SNTG2: variants seen among roughly 807,000 people sequenced by gnomAD.
SNTG2 encodes syntrophin gamma 2.
A neutral mutation model predicts 70.9 loss-of-function variants in SNTG2; 74 were observed. The observed-to-expected ratio is 1.04, with a 90% CI of 0.86 to 1.27. The LOEUF is 1.27. Among genes scored for constraint, SNTG2 ranks in the 50% most tolerant of loss-of-function variants. SNTG2 has a pLI of 0.00. For synonymous variants in SNTG2, 278 were observed against 273.8 expected (o/e 1.02, Z -0.15); for missense variants, 717 against 690.7 (o/e 1.04, Z -0.43).
chr2:1,231,418 C>A (rs1166284425), intron 9 of SNTG2, among the ~76,000 whole-genome samples: 1 of 152,308 alleles, frequency 6.6e-6, no homozygotes, highest in South Asian at 2.1e-4. Context: ...TTATTTAGTT[C>A]TCTGTTGTTG....
At chr2:1,350,058 A>G (rs113663161) in intron 16 of SNTG2, among the ~76,000 whole-genome samples, 18 of 152,310 alleles carry the variant, frequency 1.2e-4, no homozygotes, top group Non-Finnish European at 2.6e-4. Context: ...AACAACAACA[A>G]AAGAAGTATG....
At chr2:1,164,718 A>T (rs961627639) in intron 6 of SNTG2, among the ~76,000 whole-genome samples, 1 of 146,268 alleles carries the variant, frequency 6.8e-6, no homozygotes, top group Non-Finnish European at 1.5e-5. Flanking sequence ...GTCTCCATGT[A>T]GAGGGGAGGG....
At chr2:1,092,749 T>C (rs546928279) in intron 2 of SNTG2, among the ~76,000 whole-genome samples, 60 of 152,308 alleles carry the variant, frequency 3.9e-4, no homozygotes, top group African/African-American at 1.4e-3. Context: ...AAATGTATAA[T>C]TGATAAGTTA....
At chr2:1,040,983 T>A (rs1421450459) in intron 1 of SNTG2, among the ~76,000 whole-genome samples, 2 of 152,228 alleles carry the variant, frequency 1.3e-5, no homozygotes, top group Non-Finnish European at 2.9e-5. Flanking sequence ...GACGGCTTTT[T>A]GGTGGAGGCT....
At chr2:1,328,706 G>A (rs1681858039) in intron 16 of SNTG2, among the ~76,000 whole-genome samples, 1 of 152,158 alleles carries the variant, frequency 6.6e-6, no homozygotes, top group Non-Finnish European at 1.5e-5. Context: ...CACAAAATGA[G>A]TGCATTGGTT....
At chr2:1,103,728 A>T (rs1665943594) in intron 4 of SNTG2, among the ~76,000 whole-genome samples, 1 of 152,200 alleles carries the variant, frequency 6.6e-6, no homozygotes, top group Admixed American at 6.5e-5. Context: ...TGATGATTTT[A>T]AACTTCATAG....
chr2:1,264,925 A>G lies in SNTG2; in HGVS notation c.1078-2440A>G, dbSNP rs141053465. 5.6e-3 allele frequency among the ~76,000 whole-genome samples: 846 copies of G among 152,336 alleles called. 5 individuals are homozygous for G. The highest frequency in any genetic ancestry group is 7.6e-3 in the Non-Finnish European group (516 of 68,024). ...TAACATACAGAATATGTGTTAATTG[A>G]CTGTTCATGTTATTAGTAAAGCTTC... is the stretch of plus-strand genomic sequence containing the variant. On this transcript the variant is annotated intron_variant, in intron 13 of 16. Transcript: ENST00000308624.
chr2:1,167,094 G>A (rs186041698), intron 7 of SNTG2, among the ~76,000 whole-genome samples: 13 of 152,348 alleles, frequency 8.5e-5, no homozygotes, highest in African/African-American at 2.4e-4. Context: ...CTGTCCTTGC[G>A]ATAAGGCAGA....
At chr2:1,076,232 C>G (rs1310318387) in intron 1 of SNTG2, among the ~76,000 whole-genome samples, 1 of 152,224 alleles carries the variant, frequency 6.6e-6, no homozygotes, top group Non-Finnish European at 1.5e-5. Flanking sequence ...TAACCAAGCA[C>G]TTCTTACAGC....
At chr2:1,194,248 G>A (rs1300062072) in intron 8 of SNTG2, among the ~76,000 whole-genome samples, 1 of 152,196 alleles carries the variant, frequency 6.6e-6, no homozygotes, top group Non-Finnish European at 1.5e-5. Flanking sequence ...GTCAGGATGG[G>A]GGGAGAAGCG....
At chr2:1,018,497 G>A (rs1405627302) in intron 1 of SNTG2, among the ~76,000 whole-genome samples, 3 of 152,132 alleles carry the variant, frequency 2.0e-5, no homozygotes, top group African/African-American at 7.2e-5. Flanking sequence ...ACAGCCGACT[G>A]GGTAGGTGGA....
At chr2:1,155,204 C>T (rs1669806445) in intron 6 of SNTG2, among the ~76,000 whole-genome samples, 1 of 140,118 alleles carries the variant, frequency 7.1e-6, no homozygotes, top group African/African-American at 3.1e-5. Context: ...ACCACACACA[C>T]CCACACCACA....
At chr2:1,328,635 A>C (rs539957048) in intron 16 of SNTG2, among the ~76,000 whole-genome samples, 1 of 152,336 alleles carries the variant, frequency 6.6e-6, no homozygotes, top group East Asian at 1.9e-4. Context: ...CTTGTTTTCC[A>C]AAAAGCTAAT....
chr2:1,135,431 T>A lies in SNTG2; in HGVS notation c.326-2191T>A, dbSNP rs192314434. On this transcript the variant is annotated intron_variant, in intron 4 of 16. Coordinates refer to ENST00000308624, the MANE Select transcript of SNTG2 (RefSeq NM_018968.4). Reference sequence around the variant, plus strand: ...CCATAGGTATCATTTTAAAAACACATTACCTCGGCCAGGCGTGGTGGCTCA... The same window carrying A: ...CCATAGGTATCATTTTAAAAACACAATACCTCGGCCAGGCGTGGTGGCTCA... Among the ~76,000 whole-genome samples the A allele has an allele frequency of 1.4e-4, 21 of 152,278 alleles. No individual in the cohort carries two copies. The East Asian group carries it at 3.9e-3, about 28-fold the overall frequency.
intron 14 of SNTG2, among the ~76,000 whole-genome samples, chr2:1,272,343 C>T (rs941615282): frequency 6.6e-6 from 1 of 150,848 alleles, no homozygotes; most frequent in Admixed American, 6.6e-5. Flanking sequence ...AGGGTTCCCG[C>T]TCCTGTGAGA....
Position 1,365,147 on chromosome 2 carries a change from C to T in SNTG2, c.1489-2196C>T, listed in dbSNP as rs193096894. ...ATGAATAAAAGATTTTGAGTACAGT[C>T]TCACGCTTTGGGTATGATTGGCGAA... is the stretch of plus-strand genomic sequence containing the variant. On this transcript the variant is annotated intron_variant, in intron 16 of 16. Coordinates refer to ENST00000308624, the MANE Select transcript of SNTG2 (RefSeq NM_018968.4). 2.7e-3 allele frequency among the ~76,000 whole-genome samples: 410 copies of T among 152,068 alleles called. 7 individuals carry two copies. Among genetic ancestry groups the T allele is most frequent in the Non-Finnish European group, 9.6e-4 (65 of 68,010 alleles).
At chr2:1,320,085 G>A (rs1681450502) in intron 16 of SNTG2, among the ~76,000 whole-genome samples, 1 of 152,150 alleles carries the variant, frequency 6.6e-6, no homozygotes, top group Non-Finnish European at 1.5e-5. Context: ...TTTCCTTTTA[G>A]TAGTTGTTGA....
At chr2:1,121,826 A>G (rs28871995) in intron 4 of SNTG2, among the ~76,000 whole-genome samples, 69,437 of 151,642 alleles carry the variant, frequency 0.46, 16,721 homozygotes, top group East Asian at 0.66. Flanking sequence ...GGGTGATTGC[A>G]GGGATTATAA....
intron 14 of SNTG2, among the ~76,000 whole-genome samples, chr2:1,295,905 C>T (rs1432773171): frequency 6.6e-6 from 1 of 151,914 alleles, no homozygotes; most frequent in African/African-American, 2.4e-5. Flanking sequence ...AAGGCTGAGT[C>T]TTCCATGTTG....
Sources: allele counts gnomAD v4.1 joint callset (sites outside exome capture counted in the v4.1 genomes callset), GRCh38; gene constraint gnomAD v4.1.1; transcripts MANE v1.5; gene names NCBI Gene and HGNC (gene_info 2026-07-23, HGNC 2026-07-21).